Variants in MAP6 observed in about 807,000 individuals in gnomAD.
MAP6 encodes microtubule associated protein 6, also known as microtubule-associated protein 6.
MAP6 carries 26 observed loss-of-function variants against 42.4 expected under a neutral mutation model. That is an observed-to-expected ratio of 0.61 (90% confidence interval 0.45 to 0.85). The LOEUF (loss-of-function observed/expected upper bound fraction) is 0.85. Ranked by LOEUF, MAP6 falls within the 40% of genes least tolerant of loss-of-function variation. The pLI is 0.00. For synonymous variants in MAP6, 418 were observed against 443.8 expected (o/e 0.94, Z 0.73); for missense variants, 966 against 1,099.0 (o/e 0.88, Z 1.71).
intron 1 of MAP6, among the ~76,000 whole-genome samples, chr11:75,634,608 GAC>G (rs1943337868): frequency 6.6e-6 from 1 of 152,170 alleles, no homozygotes; most frequent in African/African-American, 2.4e-5. Flanking sequence ...AAAGATGGGA[GAC>G]ACAGGGCTTT....
chr11:75,587,902 G>C lies in MAP6; in HGVS notation c.1599C>G (p.Val533=). Residue 533 remains valine (V), a synonymous_variant, in exon 4 of 4, where the codon GTC becomes GTG. Coordinates refer to ENST00000304771, the MANE Select transcript of MAP6 (RefSeq NM_033063.2). The part of the protein sequence containing the change: ...SAPVKDQGPS[V]PVPPKNQSPM... The stretch of plus-strand genomic sequence containing the variant: ...GACTTTGATTCTTTGGAGGAACTGG[G>C]ACCGAGGGACCTTGGTCCTTGACTG... 6.2e-7 allele frequency: 1 copy of C among 1,614,162 alleles called. No individual in the cohort carries two copies. Among genetic ancestry groups the C allele is most frequent in the East Asian group, 2.2e-5 (1 of 44,870 alleles).
At chr11:75,605,424 C>T in intron 3 of MAP6, 2 of 1,003,566 alleles carry the variant, frequency 2.0e-6, no homozygotes, top group Non-Finnish European at 2.4e-6. Context: ...TCAAAATCGA[C>T]CAGTGACACA....
chr11:75,592,158 C>T lies in MAP6; in HGVS notation c.1317-3974G>A, dbSNP rs534967747. Reference sequence around the variant, plus strand: ...AGGCCCTGCCTGTCCTTGAAGGCTCCGCTCAGCTCCCACCTCCTCCCTGGT... The same window carrying T: ...AGGCCCTGCCTGTCCTTGAAGGCTCTGCTCAGCTCCCACCTCCTCCCTGGT... On this transcript the variant is annotated intron_variant, in intron 3 of 3. Transcript: ENST00000304771. Among the ~76,000 whole-genome samples, 13 of 152,302 alleles carry T rather than the reference C, an allele frequency of 8.5e-5. No individual in the cohort carries two copies. In the East Asian group the frequency reaches 2.3e-3, roughly 27 times the overall value.
chr11:75,593,739 G>T (rs567649681), intron 3 of MAP6, among the ~76,000 whole-genome samples: 28 of 152,228 alleles, frequency 1.8e-4, no homozygotes, highest in African/African-American at 6.8e-4. Flanking sequence ...AAAGCCTTGA[G>T]GAAGAAAGAC....
At chr11:75,664,445 G>A (rs1943911619) in intron 1 of MAP6, among the ~76,000 whole-genome samples, 1 of 152,242 alleles carries the variant, frequency 6.6e-6, no homozygotes, top group East Asian at 1.9e-4. Flanking sequence ...TATTTTACAT[G>A]ATGGACTGTG....
At chr11:75,632,911 T>C (rs1357889398) in intron 1 of MAP6, among the ~76,000 whole-genome samples, 1 of 152,176 alleles carries the variant, frequency 6.6e-6, no homozygotes, top group African/African-American at 2.4e-5. Context: ...TAAAGTCACA[T>C]AGCAACTGAT....
At chr11:75,611,492 T>A (rs1942896858) in intron 1 of MAP6, among the ~76,000 whole-genome samples, 1 of 152,252 alleles carries the variant, frequency 6.6e-6, no homozygotes, top group African/African-American at 2.4e-5. Context: ...TGGTACATCA[T>A]CTTCACATGA....
intron 1 of MAP6, among the ~76,000 whole-genome samples, chr11:75,651,723 G>T (rs1431767243): frequency 1.3e-5 from 2 of 152,224 alleles, no homozygotes; most frequent in Non-Finnish European, 2.9e-5. Context: ...TTGCTATTCA[G>T]TTGTAAGGAA....
chr11:75,602,621 AAT>A (rs2135582189), intron 3 of MAP6, among the ~76,000 whole-genome samples: 1 of 152,290 alleles, frequency 6.6e-6, no homozygotes, highest in African/African-American at 2.4e-5. Flanking sequence ...ATTGGATCAA[AAT>A]GTTACACTAC....
intron 1 of MAP6, among the ~76,000 whole-genome samples, chr11:75,627,765 C>T (rs1943221352): frequency 6.6e-6 from 1 of 152,078 alleles, no homozygotes; most frequent in Non-Finnish European, 1.5e-5. Flanking sequence ...TCAGGGGGTT[C>T]CGTGTCTTGA....
chr11:75,602,760 T>C (rs1362425121), intron 3 of MAP6: 24 of 885,728 alleles, frequency 2.7e-5, no homozygotes, highest in Middle Eastern at 5.6e-4. Flanking sequence ...CCAGGAAGAC[T>C]GCAGGGCACA....
At chr11:75,607,978 A>G in intron 2 of MAP6, 131 bp downstream of exon 2, 6 of 797,716 alleles carry the variant, frequency 7.5e-6, no homozygotes, top group Non-Finnish European at 1.2e-5. Flanking sequence ...AGTGTGCTTT[A>G]GAGGAAGCAG....
intron 1 of MAP6, among the ~76,000 whole-genome samples, chr11:75,648,453 G>A (rs1943596939): frequency 6.6e-6 from 1 of 152,164 alleles, no homozygotes. Context: ...AGCTGTGATT[G>A]AGCCACTGTA....
chr11:75,588,165 T>C lies in MAP6; in HGVS notation c.1336A>G (p.Ser446Gly). Residue 446 changes from serine to glycine, a missense_variant, in exon 4 of 4, where the codon AGT becomes GGT. Ser to Gly is a moderately conservative substitution (Grantham distance 56). Coordinates refer to ENST00000304771, the MANE Select transcript of MAP6 (RefSeq NM_033063.2). Reference protein sequence around the residue: ...EAKESLAQPVSDSSKTQGPVA... With the variant: ...EAKESLAQPVGDSSKTQGPVA... ...GGACCTTGAGTCTTACTTGAATCAC[T>C]GACGGGTTGAGCCAGGCTCCTGCAA... 6.2e-7 allele frequency: 1 copy of C among 1,612,680 alleles called. No homozygotes were observed. Among genetic ancestry groups the C allele is most frequent in the Non-Finnish European group, 8.5e-7 (1 of 1,179,628 alleles).
intron 1 of MAP6, among the ~76,000 whole-genome samples, chr11:75,656,401 G>C (rs1034373141): frequency 2.0e-5 from 3 of 152,168 alleles, no homozygotes; most frequent in African/African-American, 7.2e-5. Context: ...GCTAAGATAA[G>C]GGAAGGATAG....
chr11:75,632,082 G>A (rs1433928649), intron 1 of MAP6, among the ~76,000 whole-genome samples: 2 of 152,126 alleles, frequency 1.3e-5, no homozygotes, highest in Non-Finnish European at 2.9e-5. Context: ...ATGGCTTTGG[G>A]ATTCAAATGA....
chr11:75,652,552 T>C (rs1943665678), intron 1 of MAP6, among the ~76,000 whole-genome samples: 1 of 152,156 alleles, frequency 6.6e-6, no homozygotes, highest in Non-Finnish European at 1.5e-5. Context: ...GCATGTGACA[T>C]CTGGGCCATG....
chr11:75,641,560 G>A (rs185776639), intron 1 of MAP6, among the ~76,000 whole-genome samples: 6 of 152,306 alleles, frequency 3.9e-5, no homozygotes, highest in Non-Finnish European at 7.4e-5. Flanking sequence ...GATCTGCACT[G>A]TAAACAACCA....
At chr11:75,638,081 G>T (rs1943402119) in intron 1 of MAP6, among the ~76,000 whole-genome samples, 1 of 152,194 alleles carries the variant, frequency 6.6e-6, no homozygotes, top group Non-Finnish European at 1.5e-5. Context: ...TTTAAATGAT[G>T]TAAATAAAGA....
Sources: allele counts gnomAD v4.1 joint callset (sites outside exome capture counted in the v4.1 genomes callset), GRCh38; gene constraint gnomAD v4.1.1; transcripts MANE v1.5; gene names NCBI Gene and HGNC (gene_info 2026-07-23, HGNC 2026-07-21).